The following HNRNPA2B1 variants were observed in gnomAD, a reference collection of about 807,000 sequenced individuals.
HNRNPA2B1 encodes the protein heterogeneous nuclear ribonucleoproteins A2/B1.
In HNRNPA2B1, 3 loss-of-function variants were observed where a neutral mutation model predicts 46.3. That is an observed-to-expected ratio of 0.06 (90% CI 0.03 to 0.17). The LOEUF (loss-of-function observed/expected upper bound fraction) is 0.17, where lower values mean the gene tolerates loss of function less well. Among genes scored for constraint, HNRNPA2B1 ranks in the 10% least tolerant of loss-of-function variants. The pLI is 1.00. For synonymous variants in HNRNPA2B1, 225 were observed against 133.8 expected, an observed-to-expected ratio of 1.68 and a Z score of -4.70; for missense variants, 221 against 418.9, an observed-to-expected ratio of 0.53 and a Z score of 4.12.
chr7:26,198,207 T>C, intron 1 of HNRNPA2B1: 1 of 197,760 alleles, frequency 5.1e-6, no homozygotes, highest in Non-Finnish European at 1.0e-5. Context: ...ATTTCACTAT[T>C]CAATATCTGA....
rs11557708 is a variant in HNRNPA2B1, at chr7:26,192,081, G to A, written c.*279C>T. ...ACACTCTTACAAAGACCACTAGAAA[G>A]AAACAACAATTAAAAAGCTAAGAAA... On this transcript the variant is annotated 3_prime_UTR_variant, in exon 11 of 11. Transcript: ENST00000618183. 6.4e-6 allele frequency: 1 copy of A among 155,896 alleles called. No homozygotes were observed. Among genetic ancestry groups the A allele is most frequent in the Non-Finnish European group, 1.4e-5 (1 of 70,140 alleles). 9.7% of individuals were successfully genotyped at this position (155,896 alleles called of 1,614,324 possible). A position where few individuals can be genotyped will look rare whatever the true frequency, so the allele number is the denominator to read the frequency against.
At position 26,191,428 on chromosome 7, in the gene HNRNPA2B1, A is replaced by C. The variant is rs942070930; in HGVS notation, c.*932T>G. The C allele has an allele frequency of 1.3e-5, 2 of 152,170 alleles. No homozygotes were observed. The highest frequency in any genetic ancestry group is 2.9e-5 in the Non-Finnish European group (2 of 68,002). 9.4% of individuals were successfully genotyped at this position (152,170 alleles called of 1,614,324 possible). A position where few individuals can be genotyped will look rare whatever the true frequency, so the allele number is the denominator to read the frequency against. The stretch of plus-strand genomic sequence containing the variant: ...AAAGTAAATAAGATCTTACCTAAAG[A>C]AGTTTAACTGAAGCTTAGAACTATT... On this transcript the variant is annotated 3_prime_UTR_variant, in exon 11 of 11. Transcript: ENST00000618183.
chr7:26,195,921 CA>C lies in HNRNPA2B1; in HGVS notation c.659-13del, dbSNP rs754016775. ...ACTGCCATATCCATCTGTTAGGGGC[CA>C]AAAAAAGATTACGTTTACTATAAAC... On this transcript the variant is annotated splice_polypyrimidine_tract_variant and intron_variant, in intron 6 of 10. Coordinates refer to ENST00000618183, the MANE Select transcript of HNRNPA2B1 (RefSeq NM_002137.4). The C allele has an allele frequency of 1.8e-5, 29 of 1,595,564 alleles. No homozygotes were observed. The highest frequency in any genetic ancestry group is 1.1e-4 in the Admixed American group (6 of 53,968).
intron 7 of HNRNPA2B1, among the ~76,000 whole-genome samples, chr7:26,194,415 T>C (rs948655757): frequency 1.7e-4 from 26 of 151,350 alleles, no homozygotes; most frequent in Admixed American, 1.4e-3. Flanking sequence ...AACAATGTTC[T>C]TGGCTGGGCG....
intron 7 of HNRNPA2B1, among the ~76,000 whole-genome samples, chr7:26,195,541 T>A (rs1185330390): frequency 6.6e-6 from 1 of 152,250 alleles, no homozygotes; most frequent in Non-Finnish European, 1.5e-5. Context: ...CTCTGTTAAA[T>A]CCAGTATTCT....
Position 26,200,708 on chromosome 7 carries a change from G to A in HNRNPA2B1, c.-131C>T, listed in dbSNP as rs146346849. ...GCCGCTGCTCGAGAAACAACTCTGCGAGGAGCACCTCCGCACGGGACCCGG... is the reference window on the plus strand; with the variant it reads ...GCCGCTGCTCGAGAAACAACTCTGCAAGGAGCACCTCCGCACGGGACCCGG... On this transcript the variant is annotated 5_prime_UTR_variant, in exon 1 of 11. Transcript: ENST00000618183. 8.0e-5 allele frequency: 93 copies of A among 1,163,682 alleles called. 1 individual carries two copies. Among genetic ancestry groups the A allele is most frequent in the Admixed American group, 7.6e-4 (45 of 59,166 alleles). 72.1% of individuals were successfully genotyped at this position (1,163,682 alleles called of 1,614,324 possible). A position where few individuals can be genotyped will look rare whatever the true frequency, so the allele number is the denominator to read the frequency against.
intron 7 of HNRNPA2B1, among the ~76,000 whole-genome samples, chr7:26,194,620 G>C (rs564970294): frequency 1.3e-5 from 2 of 151,874 alleles, no homozygotes; most frequent in East Asian, 3.9e-4. Flanking sequence ...AGGATGGCTT[G>C]AGACTAAGAT....
intron 7 of HNRNPA2B1, among the ~76,000 whole-genome samples, chr7:26,195,344 A>G (rs1018494239): frequency 6.6e-6 from 1 of 152,178 alleles, no homozygotes; most frequent in African/African-American, 2.4e-5. Flanking sequence ...CTGTACGCCA[A>G]TGATATATCA....
intron 2 of HNRNPA2B1, 58 bp downstream of exon 2, chr7:26,197,564 T>C: frequency 1.3e-6 from 2 of 1,555,792 alleles, no homozygotes; most frequent in South Asian, 2.2e-5. Flanking sequence ...TCCTCCATGA[T>C]TCACTTAACA....
Position 26,198,947 on chromosome 7 carries a change from G to A in HNRNPA2B1, c.7-1215C>T, listed in dbSNP as rs528022778. The A allele has an allele frequency of 3.9e-5, 6 of 152,178 alleles. No homozygotes were observed. In the East Asian group the frequency reaches 1.2e-3, roughly 29 times the overall value. The allele number at this position is 152,178 out of a possible 1,614,324, so 9.4% of individuals were successfully genotyped here. A position where few individuals can be genotyped will look rare whatever the true frequency, so the allele number is the denominator to read the frequency against. On this transcript the variant is annotated intron_variant, in intron 1 of 10. Coordinates refer to ENST00000618183, the MANE Select transcript of HNRNPA2B1 (RefSeq NM_002137.4). ...ACCCAGTTCAGATTTTTTTCCTGTA[G>A]TTTTCATGACTCGTAAAAATTAAAG...
chr7:26,193,371 T>G lies in HNRNPA2B1; in HGVS notation c.844A>C (p.Asn282His). The G allele has an allele frequency of 6.2e-7, 1 of 1,610,290 alleles. No individual in the cohort carries two copies. ...TCATTGTAATTTCCACTTCCATAAT[T>G]TCCTATTAAAAAATTGGAATACTCA... ...GGGYDNYGGGNYGSGNYNDFG... is the reference protein window; with the variant it reads ...GGGYDNYGGGHYGSGNYNDFG... Residue 282 changes from asparagine to histidine, a missense_variant and splice_region_variant, in exon 9 of 11, where the codon AAT (asparagine) becomes CAT (histidine). This residue lies in a region of HNRNPA2B1 where 143 missense variants were observed against 200.5 expected (regional missense o/e 0.71). Transcript: ENST00000618183.
chr7:26,200,213 C>G lies in HNRNPA2B1; in HGVS notation c.6+359G>C, dbSNP rs569411317. The stretch of plus-strand genomic sequence containing the variant: ...GCCTCGCTCACGAGGACCTGCTGCC[C>G]GCCGAAACGCTCGCCGAGGAGACGC... On this transcript the variant is annotated intron_variant, in intron 1 of 10. Transcript: ENST00000618183. 9.6e-3 allele frequency: 2,960 copies of G among 309,588 alleles called. 19 individuals are homozygous for G. The highest frequency in any genetic ancestry group is 0.013 in the Non-Finnish European group (2,076 of 162,022). 19.2% of individuals were successfully genotyped at this position (309,588 alleles called of 1,614,324 possible).
chr7:26,194,402 C>T (rs549320161), intron 7 of HNRNPA2B1, among the ~76,000 whole-genome samples: 4 of 151,232 alleles, frequency 2.6e-5, no homozygotes, highest in Admixed American at 6.6e-5. Context: ...TCTCAAAAAA[C>T]GAAACAATGT....
Position 26,195,696 on chromosome 7 carries a change from A to T in HNRNPA2B1, c.721+151T>A, listed in dbSNP as rs1434181632. 3 of 790,824 alleles carry T rather than the reference A, an allele frequency of 3.8e-6. No homozygotes were observed. The African/African-American group carries it at 5.4e-5, about 14-fold the overall frequency. The allele number at this position is 790,824 out of a possible 1,614,324, so 49.0% of individuals were successfully genotyped here. On this transcript the variant is annotated intron_variant, in intron 7 of 10. Coordinates refer to ENST00000618183, the MANE Select transcript of HNRNPA2B1 (RefSeq NM_002137.4). ...TAGGCTATAACAGCTAAGATGGCAAAACTACTTAGAAATAACTGGACCACT... is the reference window on the plus strand; with the variant it reads ...TAGGCTATAACAGCTAAGATGGCAATACTACTTAGAAATAACTGGACCACT...
intron 8 of HNRNPA2B1, 27 bp from the exon 9 acceptor site, chr7:26,193,400 C>T (rs1158476230): frequency 1.2e-6 from 2 of 1,601,560 alleles, no homozygotes; most frequent in Non-Finnish European, 1.7e-6. Context: ...ATACTCAGAA[C>T]AATACAAACA....
intron 7 of HNRNPA2B1, among the ~76,000 whole-genome samples, chr7:26,195,431 G>A (rs897462971): frequency 2.0e-5 from 3 of 152,174 alleles, no homozygotes; most frequent in Non-Finnish European, 2.9e-5. Context: ...ATTTCCGTAG[G>A]TTACGCTTTT....
intron 1 of HNRNPA2B1, chr7:26,198,980 T>A (rs756001293): frequency 3.3e-5 from 5 of 152,292 alleles, no homozygotes; most frequent in African/African-American, 4.8e-5. Flanking sequence ...AAGAAAAAAT[T>A]AACTGAAATG....
chr7:26,194,379 G>C (rs1385425921), intron 7 of HNRNPA2B1, among the ~76,000 whole-genome samples: 4 of 151,346 alleles, frequency 2.6e-5, no homozygotes, highest in South Asian at 4.2e-4. Context: ...CTGGGCGACA[G>C]AGAGAGACTC....
In HNRNPA2B1 at chr7:26,191,375, T is replaced by C. The variant is rs1432132061; in HGVS notation, c.*985A>G. ...AAGACCATTTAAGAGTATTAGTTTA[T>C]CTTTTAGGGAGGAAAATTAAGAAAG... On this transcript the variant is annotated 3_prime_UTR_variant, in exon 11 of 11. Transcript: ENST00000618183. 1.3e-5 allele frequency: 2 copies of C among 152,148 alleles called. No individual in the cohort carries two copies. The highest frequency in any genetic ancestry group is 2.9e-5 in the Non-Finnish European group (2 of 67,976). The allele number at this position is 152,148 out of a possible 1,614,324, so 9.4% of individuals were successfully genotyped here. A position where few individuals can be genotyped will look rare whatever the true frequency, so the allele number is the denominator to read the frequency against.
Sources: allele counts gnomAD v4.1 joint callset (sites outside exome capture counted in the v4.1 genomes callset), GRCh38; gene constraint gnomAD v4.1.1; regional missense constraint gnomAD v4.1.1; transcripts MANE v1.5; gene names NCBI Gene and HGNC (gene_info 2026-07-23, HGNC 2026-07-21).